CTRB1: variants seen among roughly 807,000 people sequenced by gnomAD.
CTRB1 encodes chymotrypsinogen B1.
Under a neutral mutation model 20.4 loss-of-function variants are expected in CTRB1, and 15 were observed. The observed-to-expected ratio is 0.74, with a 90% CI of 0.49 to 1.13. CTRB1 has a LOEUF of 1.13. CTRB1 is among the 50% of genes most tolerant of loss of function. The pLI is 0.00. For synonymous variants in CTRB1, 92 were observed against 128.4 expected (o/e 0.72, Z 1.92); for missense variants, 227 against 290.1 (o/e 0.78, Z 1.58).
At position 75,224,794 on chromosome 16, in the gene CTRB1, C is replaced by T; in HGVS notation, c.720C>T (p.Thr240=). 1 of 1,614,022 alleles carries T rather than the reference C, an allele frequency of 6.2e-7. No homozygotes were observed. The highest frequency in any genetic ancestry group is 8.5e-7 in the Non-Finnish European group (1 of 1,180,042). Residue 240 remains threonine, a synonymous_variant, in exon 7 of 7, where the codon ACC becomes ACT. Coordinates refer to ENST00000361017, the MANE Select transcript of CTRB1 (RefSeq NM_001906.6). ...IVSWGSDTCS[T]SSPGVYARVT... ...CCTGGGGCAGCGACACCTGCTCCACCTCCAGCCCTGGCGTGTACGCCCGTG... is the reference window on the plus strand; with the variant it reads ...CCTGGGGCAGCGACACCTGCTCCACTTCCAGCCCTGGCGTGTACGCCCGTG...
intron 1 of CTRB1, among the ~76,000 whole-genome samples, chr16:75,220,838 A>C (rs947350763): frequency 6.6e-6 from 1 of 151,846 alleles, no homozygotes; most frequent in African/African-American, 2.4e-5. Flanking sequence ...GGCTCACTGC[A>C]ACCTCCACCT....
chr16:75,224,457 C>T (rs1375186264), intron 6 of CTRB1, among the ~76,000 whole-genome samples: 1 of 152,260 alleles, frequency 6.6e-6, no homozygotes, highest in Non-Finnish European at 1.5e-5. Context: ...CCATGCTCTT[C>T]CTCCTATTGG....
At chr16:75,220,045 G>C (rs1227779016) in intron 1 of CTRB1, among the ~76,000 whole-genome samples, 1 of 152,234 alleles carries the variant, frequency 6.6e-6, no homozygotes, top group Non-Finnish European at 1.5e-5. Flanking sequence ...AGGCTGGAGT[G>C]CAGTAGTGTG....
intron 1 of CTRB1, among the ~76,000 whole-genome samples, chr16:75,219,635 C>T (rs1396534489): frequency 1.3e-5 from 2 of 152,144 alleles, no homozygotes; most frequent in African/African-American, 4.8e-5. Flanking sequence ...GCCCCCGCCT[C>T]GGCCTCCCAA....
rs373142319 is a variant in CTRB1, at chr16:75,224,856, C to A, written c.782C>A (p.Ala261Asp). The change falls in exon 7 of 7, where the codon GCT becomes GAT. Residue 261 changes from alanine (A) to aspartate (D), a missense_variant. Around this residue, in one of 4 missense-constraint regions of CTRB1, gnomAD observed 108 missense variants for 76.9 expected, o/e 1.41. Transcript: ENST00000361017. ...ATACCTTGGGTGCAGAAGATCCTGG[C>A]TGCCAACTGAGCCCGCGGCTCCCTC... is the stretch of plus-strand genomic sequence containing the variant. ...KLIPWVQKIL[A>D]AN The A allele has an allele frequency of 4.3e-6, 7 of 1,613,770 alleles. No homozygotes were observed. Among genetic ancestry groups the A allele is most frequent in the Admixed American group, 1.7e-5 (1 of 59,994 alleles).
Position 75,224,088 on chromosome 16 carries a change from C to T in CTRB1, c.530C>T (p.Ala177Val), listed in dbSNP as rs922977869. Reference protein sequence around the residue: ...NKTPDKLQQAALPLLSNAECK... With the variant: ...NKTPDKLQQAVLPLLSNAECK... ...ACCCCTGACAAGCTGCAGCAGGCAG[C>T]CCTGCCCCTCCTGTCCAATGCCGAA... The change falls in exon 6 of 7, where the codon GCC (alanine) becomes GTC (valine). Residue 177 changes from alanine (A) to valine (V), a missense_variant. Ala to Val is a moderately conservative substitution (Grantham distance 64). Transcript: ENST00000361017. 1.3e-5 allele frequency: 16 copies of T among 1,239,282 alleles called. No homozygotes were observed. The African/African-American group carries it at 2.5e-4, about 19-fold the overall frequency. The allele number at this position is 1,239,282 out of a possible 1,614,324, so 76.8% of individuals were successfully genotyped here. A position where few individuals can be genotyped will look rare whatever the true frequency, so the allele number is the denominator to read the frequency against.
chr16:75,222,578 GC>G (rs1291585395), intron 1 of CTRB1, 189 bp from the exon 2 acceptor site: 1 of 624,668 alleles, frequency 1.6e-6, no homozygotes, highest in Non-Finnish European at 2.7e-6. Context: ...GATGACTGGA[GC>G]CAGCAGGCCG....
chr16:75,222,057 TCAAAAAGAAAA>T (rs2039093331), intron 1 of CTRB1, among the ~76,000 whole-genome samples: 1 of 64,650 alleles, frequency 1.5e-5, no homozygotes, highest in Non-Finnish European at 2.7e-5. Context: ...CAAGACTGTC[TCAAAAAGAAAA>T]AAAAAAAAAA....
chr16:75,222,388 C>A (rs999215938), intron 1 of CTRB1, among the ~76,000 whole-genome samples: 5 of 152,146 alleles, frequency 3.3e-5, no homozygotes, highest in Admixed American at 2.6e-4. Context: ...TTCTGCTGCC[C>A]TTTTTATAGC....
rs771208389 is a variant in CTRB1 at position 75,224,727 on chromosome 16, T to C, written c.653T>C (p.Val218Ala). 1 of 1,612,114 alleles carries C rather than the reference T, an allele frequency of 6.2e-7. No homozygotes were observed. The highest frequency in any genetic ancestry group is 1.1e-5 in the South Asian group (1 of 90,908). ...SCMGDSGGPL[V>A]CQKDGAWTLV... ...CAGGGCGACTCTGGCGGCCCCCTGG[T>C]CTGCCAAAAGGATGGAGCCTGGACC... Residue 218 changes from valine to alanine, a missense_variant, in exon 7 of 7, where the codon GTC (valine) becomes GCC (alanine). Around this residue, in one of 4 missense-constraint regions of CTRB1, gnomAD observed 108 missense variants for 76.9 expected, o/e 1.41. Transcript: ENST00000361017.
At chr16:75,224,221 C>G (rs758134144) in intron 6 of CTRB1, 33 bp downstream of exon 6, 23 of 1,412,938 alleles carry the variant, frequency 1.6e-5, no homozygotes, top group Non-Finnish European at 2.2e-5. Flanking sequence ...CCTGGCCAGG[C>G]GAGCGGGGTG....
intron 5 of CTRB1, 67 bp from the exon 6 acceptor site, chr16:75,223,988 C>T (rs2076713674): frequency 7.1e-6 from 4 of 564,990 alleles, no homozygotes; most frequent in Non-Finnish European, 8.6e-6. Context: ...GCGTGTCGGC[C>T]CCGGGTCTCT....
chr16:75,219,614 C>T (rs1270782023), intron 1 of CTRB1, among the ~76,000 whole-genome samples: 2 of 152,134 alleles, frequency 1.3e-5, no homozygotes, highest in Non-Finnish European at 2.9e-5. Flanking sequence ...GAACTCCTGA[C>T]CTCAGGTGAT....
chr16:75,221,066 C>T lies in CTRB1; in HGVS notation c.53-1702C>T, dbSNP rs550909396. Among the ~76,000 whole-genome samples the T allele has an allele frequency of 9.9e-5, 15 of 152,266 alleles. No homozygotes were observed. The South Asian group carries it at 2.9e-3, about 29-fold the overall frequency. On this transcript the variant is annotated intron_variant, in intron 1 of 6. Coordinates refer to ENST00000361017, the MANE Select transcript of CTRB1 (RefSeq NM_001906.6). ...TATTACAATACCAGTTTTTGATGCT[C>T]TGAAACGTCAGGGAGGCACCTTGCC... is the stretch of plus-strand genomic sequence containing the variant.
At chr16:75,224,589 C>T in intron 6 of CTRB1, 116 bp from the exon 7 acceptor site, 1 of 1,233,076 alleles carries the variant, frequency 8.1e-7, no homozygotes, top group Admixed American at 2.3e-5. Flanking sequence ...ACAGCACATG[C>T]TGAGCCTTTG....
At chr16:75,224,658 G>A in intron 6 of CTRB1, 47 bp from the exon 7 acceptor site, 4 of 1,569,168 alleles carry the variant, frequency 2.5e-6, no homozygotes, top group Non-Finnish European at 3.4e-6. Context: ...CCTGGGACCA[G>A]TCTGTCTCGG....
chr16:75,223,920 G>T lies in CTRB1; in HGVS notation c.497-135G>T, dbSNP rs1460648389. The T allele has an allele frequency of 2.0e-4, 68 of 347,396 alleles. No individual in the cohort carries two copies. In the East Asian group the frequency reaches 2.3e-3, roughly 12 times the overall value. The allele number at this position is 347,396 out of a possible 1,614,324, so 21.5% of individuals were successfully genotyped here. Reference sequence around the variant, plus strand: ...GCCGAGGCCCCCTTGTCCCACAGGCGCTTCTGAGGCTCCAGGGGCCGTACC... The same window carrying T: ...GCCGAGGCCCCCTTGTCCCACAGGCTCTTCTGAGGCTCCAGGGGCCGTACC... On this transcript the variant is annotated intron_variant, in intron 5 of 6. Coordinates refer to ENST00000361017, the MANE Select transcript of CTRB1 (RefSeq NM_001906.6).
chr16:75,223,930 C>T, intron 5 of CTRB1, 125 bp from the exon 6 acceptor site: 1 of 372,390 alleles, frequency 2.7e-6, no homozygotes, highest in East Asian at 4.5e-5. Flanking sequence ...GCTTCTGAGG[C>T]TCCAGGGGCC....
Position 75,222,755 on chromosome 16 carries a change from C to G in CTRB1, c.53-13C>G. 1 of 1,555,450 alleles carries G rather than the reference C, an allele frequency of 6.4e-7. No individual in the cohort carries two copies. The highest frequency in any genetic ancestry group is 8.7e-7 in the Non-Finnish European group (1 of 1,148,790). On this transcript the variant is annotated splice_polypyrimidine_tract_variant and intron_variant, in intron 1 of 6. Transcript: ENST00000361017. ...TTGGGGCCTCAGCCCTTATTCACCC[C>G]ACTCCCCCCCAGGCTGCGGGGTCCC...
Sources: gnomAD v4.1 joint callset for allele counts (sites outside exome capture counted in the v4.1 genomes callset) on GRCh38, gnomAD v4.1.1 for gene constraint, gnomAD v4.1.1 regional missense constraint, MANE v1.5 for transcripts, NCBI Gene and HGNC (gene_info 2026-07-23, HGNC 2026-07-21) for gene names.